ALMS1: variants seen among roughly 807,000 people sequenced by gnomAD.
ALMS1 encodes the protein centrosome-associated protein ALMS1.
In ALMS1, 271 loss-of-function variants were observed where a neutral mutation model predicts 352.2. The observed-to-expected ratio is 0.77, with a 90% CI of 0.70 to 0.85. ALMS1 has a LOEUF of 0.85. Ranked by LOEUF, ALMS1 falls within the 40% of genes least tolerant of loss-of-function variation. The pLI is 0.00. For synonymous variants in ALMS1, 1,865 were observed against 1,761.2 expected (o/e 1.06, Z -1.48); for missense variants, 5,445 against 4,870.7 (o/e 1.12, Z -3.51).
Position 73,449,228 on chromosome 2 carries a change from C to T in ALMS1, c.2701C>T (p.Pro901Ser). 6.2e-7 allele frequency: 1 copy of T among 1,614,090 alleles called. No homozygotes were observed. The highest frequency in any genetic ancestry group is 1.7e-4 in the Middle Eastern group (1 of 6,058). The change falls in exon 8 of 23, where the codon CCC (proline) becomes TCC (serine). Residue 901 changes from proline (P) to serine (S), a missense_variant. Pro to Ser is a moderately conservative substitution (Grantham distance 74). Transcript: ENST00000613296. ...PGPGDQKTGIPSAPSSFYSHR... is the reference protein window; with the variant it reads ...PGPGDQKTGISSAPSSFYSHR... Reference sequence around the variant, plus strand: ...ACCAGGTGATCAGAAGACTGGGATACCCTCAGCACCATCTAGTTTCTACTC... The same window carrying T: ...ACCAGGTGATCAGAAGACTGGGATATCCTCAGCACCATCTAGTTTCTACTC...
At chr2:73,493,549 C>A (rs975350801) in intron 10 of ALMS1, among the ~76,000 whole-genome samples, 34 of 151,922 alleles carry the variant, frequency 2.2e-4, no homozygotes, top group African/African-American at 8.0e-4. Flanking sequence ...ATGGAGAAGC[C>A]CCATCTCTAC....
chr2:73,408,770 A>C (rs1270366773), intron 2 of ALMS1, 23 bp downstream of exon 2: 2 of 1,601,598 alleles, frequency 1.2e-6, no homozygotes. Flanking sequence ...TAACTGGCTA[A>C]CTTTTTTTTT....
intron 13 of ALMS1, among the ~76,000 whole-genome samples, chr2:73,554,005 T>C (rs77302312): frequency 3.3e-3 from 499 of 152,318 alleles, no homozygotes; most frequent in Non-Finnish European, 5.6e-3. Context: ...TTGAAAATGG[T>C]AGCCTTTAGA....
At chr2:73,525,085 G>A (rs919564362) in intron 11 of ALMS1, among the ~76,000 whole-genome samples, 2 of 151,590 alleles carry the variant, frequency 1.3e-5, no homozygotes, top group Admixed American at 6.6e-5. Flanking sequence ...TATTTTTTTT[G>A]GCTAAATAGT....
Position 73,573,280 on chromosome 2 carries a change from G to A in ALMS1, c.11403G>A (p.Leu3801=), listed in dbSNP as rs1674984153. Reference sequence around the variant, plus strand: ...CTTTTGGCCATGAAAGAGTATGCTTGTCACCCAGACGAATTAAATTATATA... The same window carrying A: ...CTTTTGGCCATGAAAGAGTATGCTTATCACCCAGACGAATTAAATTATATA... The part of the protein sequence containing the change: ...IQAFGHERVC[L]SPRRIKLYSS... The change falls in exon 16 of 23, where the codon TTG becomes TTA. Residue 3801 remains leucine (L), a synonymous_variant. Transcript: ENST00000613296. 1 of 1,614,090 alleles carries A rather than the reference G, an allele frequency of 6.2e-7. No individual in the cohort carries two copies. Among genetic ancestry groups the A allele is most frequent in the African/African-American group, 1.3e-5 (1 of 75,026 alleles).
At chr2:73,540,171 T>G (rs1260896267) in intron 12 of ALMS1, among the ~76,000 whole-genome samples, 1 of 152,226 alleles carries the variant, frequency 6.6e-6, no homozygotes, top group Non-Finnish European at 1.5e-5. Context: ...ACAACTGATC[T>G]CTCAGCAGAA....
chr2:73,539,554 G>C (rs1223407110), intron 12 of ALMS1, among the ~76,000 whole-genome samples: 2 of 152,188 alleles, frequency 1.3e-5, no homozygotes, highest in African/African-American at 2.4e-5. Flanking sequence ...AGAGAAGAAG[G>C]CTTCAGATGA....
At chr2:73,566,765 G>C (rs1674809347) in intron 15 of ALMS1, among the ~76,000 whole-genome samples, 1 of 152,168 alleles carries the variant, frequency 6.6e-6, no homozygotes, top group Admixed American at 6.5e-5. Context: ...GCATGGCTTG[G>C]CCTCCTATAC....
At chr2:73,478,899 C>G (rs909006215) in intron 9 of ALMS1, among the ~76,000 whole-genome samples, 1 of 151,940 alleles carries the variant, frequency 6.6e-6, no homozygotes, top group African/African-American at 2.4e-5. Context: ...TCCATGTGTT[C>G]TCATTGTTCA....
At chr2:73,422,244 T>C (rs1458843858) in intron 3 of ALMS1, among the ~76,000 whole-genome samples, 1 of 152,174 alleles carries the variant, frequency 6.6e-6, no homozygotes, top group African/African-American at 2.4e-5. Context: ...CTCTCATGTC[T>C]GTTTCTGTAT....
At chr2:73,460,445 T>TA (rs1336205610) in intron 9 of ALMS1, among the ~76,000 whole-genome samples, 1 of 152,080 alleles carries the variant, frequency 6.6e-6, no homozygotes, top group Non-Finnish European at 1.5e-5. Context: ...CAGCACTCAT[T>TA]AAAAAATTCG....
chr2:73,606,520 G>A (rs1449578247), intron 21 of ALMS1, among the ~76,000 whole-genome samples: 2 of 152,196 alleles, frequency 1.3e-5, no homozygotes, highest in Admixed American at 6.5e-5. Flanking sequence ...CAATGCTTTC[G>A]ACGAGAAATA....
intron 10 of ALMS1, among the ~76,000 whole-genome samples, chr2:73,495,863 A>T (rs543815101): frequency 1.3e-5 from 2 of 152,212 alleles, no homozygotes; most frequent in East Asian, 3.9e-4. Flanking sequence ...TCTGTAATAT[A>T]TTTACCCTAA....
intron 10 of ALMS1, among the ~76,000 whole-genome samples, chr2:73,492,832 C>T (rs1332585641): frequency 2.0e-5 from 3 of 152,066 alleles, no homozygotes; most frequent in African/African-American, 7.2e-5. Context: ...AAACCTCCGC[C>T]CCCTGGGTTC....
Position 73,490,375 on chromosome 2 carries a change from T to G in ALMS1, c.8416T>G (p.Phe2806Val), listed in dbSNP as rs763332859. 34 of 1,613,410 alleles carry G rather than the reference T, an allele frequency of 2.1e-5. No homozygotes were observed. Among genetic ancestry groups the G allele is most frequent in the Non-Finnish European group, 2.6e-5 (31 of 1,179,776 alleles). The stretch of plus-strand genomic sequence containing the variant: ...ATTACCTGTTGATTTTGAGCGTTCT[T>G]TTCAAGAAGAAAAACCCTTAGAAAG... ...QKLPVDFERS[F>V]QEEKPLERSD... Residue 2806 changes from phenylalanine (F) to valine (V), a missense_variant, in exon 10 of 23, where the codon TTT becomes GTT. Physicochemically the swap from Phe to Val is conservative, Grantham distance 50. Coordinates refer to ENST00000613296, the MANE Select transcript of ALMS1 (RefSeq NM_001378454.1).
At chr2:73,577,939 T>C (rs915396690) in intron 16 of ALMS1, among the ~76,000 whole-genome samples, 1 of 152,206 alleles carries the variant, frequency 6.6e-6, no homozygotes, top group East Asian at 1.9e-4. Context: ...TTATCAGTCT[T>C]TTGTCCAGTT....
chr2:73,400,157 G>C (rs186175481), intron 1 of ALMS1, among the ~76,000 whole-genome samples: 3 of 152,052 alleles, frequency 2.0e-5, no homozygotes, highest in African/African-American at 7.2e-5. Context: ...TGTTGCCCAG[G>C]CTGGTCTCGA....
chr2:73,578,324 G>A (rs1675096707), intron 16 of ALMS1, among the ~76,000 whole-genome samples: 1 of 152,016 alleles, frequency 6.6e-6, no homozygotes, highest in Admixed American at 6.6e-5. Flanking sequence ...TTTTTTATAA[G>A]CTATTCTGCC....
In ALMS1 at chr2:73,588,629, G is replaced by A. The variant is rs538581801; in HGVS notation, c.11548-10772G>A. Among the ~76,000 whole-genome samples, 96 of 152,098 alleles carry A rather than the reference G, an allele frequency of 6.3e-4. 1 individual carries two copies. In the South Asian group the frequency reaches 0.018, roughly 29 times the overall value. On this transcript the variant is annotated intron_variant, in intron 16 of 22. Coordinates refer to ENST00000613296, the MANE Select transcript of ALMS1 (RefSeq NM_001378454.1). The stretch of plus-strand genomic sequence containing the variant: ...GTCAGTACAAAAAGTGAAGAAAAAA[G>A]GTCATTCAGTAGTTTTCCTTTATGA...
Sources: gnomAD v4.1 joint callset for allele counts (sites outside exome capture counted in the v4.1 genomes callset) on GRCh38, gnomAD v4.1.1 for gene constraint, MANE v1.5 for transcripts, NCBI Gene and HGNC (gene_info 2026-07-23, HGNC 2026-07-21) for gene names.